Variants in CECR2 observed in about 807,000 individuals in gnomAD.
CECR2 encodes CECR2 histone acetyl-lysine reader, also known as chromatin remodeling regulator CECR2.
Under a neutral mutation model 154.5 loss-of-function variants are expected in CECR2, and 30 were observed. The observed-to-expected ratio is 0.19, with a 90% CI of 0.15 to 0.26. The LOEUF is 0.26. Ranked by LOEUF, CECR2 falls within the 10% of genes least tolerant of loss-of-function variation. The pLI is 1.00. For missense variants in CECR2, 1,743 were observed against 1,829.3 expected, an observed-to-expected ratio of 0.95 and a Z score of 0.86; for synonymous variants, 725 against 683.7, an observed-to-expected ratio of 1.06 and a Z score of -0.94.
chr22:17,425,453 G>A (rs1307865015), intron 1 of CECR2, among the ~76,000 whole-genome samples: 2 of 152,130 alleles, frequency 1.3e-5, no homozygotes, highest in Non-Finnish European at 2.9e-5. Context: ...GGTTTTAGGT[G>A]CTGAGTATAG....
At chr22:17,472,908 T>C (rs73876452) in intron 1 of CECR2, among the ~76,000 whole-genome samples, 3,294 of 152,290 alleles carry the variant, frequency 0.022, 121 homozygotes, top group African/African-American at 0.075. Context: ...CTTGCCGAAG[T>C]GCAGAATGGT....
At chr22:17,403,142 CAT>C (rs1482349683) in intron 1 of CECR2, among the ~76,000 whole-genome samples, 1 of 152,230 alleles carries the variant, frequency 6.6e-6, no homozygotes, top group Non-Finnish European at 1.5e-5. Flanking sequence ...AGCGTGGACT[CAT>C]TGATACTTAT....
At chr22:17,385,743 A>C (rs2063251585) in intron 1 of CECR2, among the ~76,000 whole-genome samples, 1 of 152,224 alleles carries the variant, frequency 6.6e-6, no homozygotes, top group African/African-American at 2.4e-5. Context: ...GTCGGCACGA[A>C]ATCTTCAGTT....
rs183186533 is a variant in CECR2, at chr22:17,499,677, G to A, written c.545+128G>A. ...AATTCTCTAAGCATGCCTGCAAAGA[G>A]ATGGTAAGGAGATACTTCATGCAAA... is the stretch of plus-strand genomic sequence containing the variant. On this transcript the variant is annotated intron_variant, in intron 4 of 18. Transcript: ENST00000262608. 38 of 924,218 alleles carry A rather than the reference G, an allele frequency of 4.1e-5. 1 individual carries two copies. In the Admixed American group the frequency reaches 1.0e-3, roughly 24 times the overall value. 57.3% of individuals were successfully genotyped at this position (924,218 alleles called of 1,614,324 possible).
rs752204763 is a variant in CECR2 at position 17,540,463 on chromosome 22, T to A, written c.1547T>A (p.Met516Lys). 16 of 1,595,870 alleles carry A rather than the reference T, an allele frequency of 1.0e-5. No homozygotes were observed. Among genetic ancestry groups the A allele is most frequent in the Admixed American group, 1.7e-5 (1 of 57,616 alleles). Residue 516 changes from methionine (M) to lysine (K), a missense_variant, in exon 14 of 19, where the codon ATG becomes AAG. Physicochemically the swap from Met to Lys is moderately conservative, Grantham distance 95. Coordinates refer to ENST00000262608, the MANE Select transcript of CECR2 (RefSeq NM_001290047.2). ...NLERCFHRAM[M>K]KHFPGEDGDT... ...GAGAGGTGTTTCCATCGGGCAATGATGAAACATTTTCCTGGAGAAGATGGA... is the reference window on the plus strand; with the variant it reads ...GAGAGGTGTTTCCATCGGGCAATGAAGAAACATTTTCCTGGAGAAGATGGA...
At chr22:17,400,399 G>A (rs1420237612) in intron 1 of CECR2, among the ~76,000 whole-genome samples, 1 of 152,190 alleles carries the variant, frequency 6.6e-6, no homozygotes, top group Non-Finnish European at 1.5e-5. Context: ...GGAATGGATA[G>A]CAGGGTACAA....
intron 2 of CECR2, among the ~76,000 whole-genome samples, chr22:17,495,861 C>CAAAAAAAAAAAAA (rs10558473): frequency 1.5e-5 from 1 of 67,208 alleles, no homozygotes; most frequent in Non-Finnish European, 2.6e-5. Context: ...GACTCTGTCT[C>CAAAAAAAAAAAAA]AAAAAAAAAA....
At chr22:17,447,495 T>C (rs2054692177) in intron 1 of CECR2, among the ~76,000 whole-genome samples, 1 of 151,986 alleles carries the variant, frequency 6.6e-6, no homozygotes, top group South Asian at 2.1e-4. Flanking sequence ...GATTGGTGCG[T>C]TTACAGTACC....
Position 17,477,706 on chromosome 22 carries a change from G to T in CECR2, c.221+24G>T, listed in dbSNP as rs541838710. On this transcript the variant is annotated intron_variant, in intron 2 of 18. Transcript: ENST00000262608. ...ACGTGAGTAATTCTGATCTTTCTAA[G>T]CATTTCTTGCGCCAAGAACTAATTA... 55 of 1,531,468 alleles carry T rather than the reference G, an allele frequency of 3.6e-5. No individual in the cohort carries two copies. The Middle Eastern group carries it at 1.9e-3, about 52-fold the overall frequency. 94.9% of individuals were successfully genotyped at this position (1,531,468 alleles called of 1,614,324 possible). A position where few individuals can be genotyped will look rare whatever the true frequency, so the allele number is the denominator to read the frequency against.
Position 17,542,961 on chromosome 22 carries a change from G to A in CECR2, c.2818G>A (p.Ala940Thr), listed in dbSNP as rs753114764. The A allele has an allele frequency of 3.7e-5, 59 of 1,612,912 alleles. No homozygotes were observed. Among genetic ancestry groups the A allele is most frequent in the Non-Finnish European group, 4.8e-5 (57 of 1,179,348 alleles). Residue 940 changes from alanine to threonine, a missense_variant, in exon 16 of 19, where the codon GCA (alanine) becomes ACA (threonine). Coordinates refer to ENST00000262608, the MANE Select transcript of CECR2 (RefSeq NM_001290047.2). ...PKPALGNPGR[A>T]PENSEAQEPE... ...GCCTGCCCTGGGCAACCCTGGGAGG[G>A]CACCGGAGAACAGTGAAGCACAAGA...
intron 1 of CECR2, among the ~76,000 whole-genome samples, chr22:17,415,497 C>T (rs768123097): frequency 6.6e-6 from 1 of 152,240 alleles, no homozygotes; most frequent in Non-Finnish European, 1.5e-5. Context: ...CTGCCTTGGC[C>T]TCCCAAAGTG....
At chr22:17,546,117 C>T (rs1237021220) in intron 16 of CECR2, among the ~76,000 whole-genome samples, 2 of 151,978 alleles carry the variant, frequency 1.3e-5, no homozygotes, top group African/African-American at 4.8e-5. Context: ...TGTGGAAAGT[C>T]CTACTTTGTT....
rs554252100 is a variant in CECR2, at chr22:17,547,728, A to AT, written c.2861-419dup. ...CATTTGGCCTTCCTGAGCGCCCGTC[A>AT]TGCCCTGTTCTTTCTGGTTGCATCC... On this transcript the variant is annotated intron_variant, in intron 16 of 18. Coordinates refer to ENST00000262608, the MANE Select transcript of CECR2 (RefSeq NM_001290047.2). Among the ~76,000 whole-genome samples, 365 of 152,278 alleles carry AT rather than the reference A, an allele frequency of 2.4e-3. 1 individual carries two copies. The highest frequency in any genetic ancestry group is 4.0e-3 in the Non-Finnish European group (270 of 68,020).
At chr22:17,544,391 C>T (rs538407502) in intron 16 of CECR2, among the ~76,000 whole-genome samples, 14 of 145,982 alleles carry the variant, frequency 9.6e-5, no homozygotes, top group Admixed American at 3.5e-4. Flanking sequence ...CCAGCTACTC[C>T]GGAGGCTGAG....
intron 1 of CECR2, chr22:17,428,339 G>A (rs1450756768): frequency 6.6e-6 from 1 of 152,132 alleles, no homozygotes; most frequent in East Asian, 1.9e-4. Flanking sequence ...GATTGTTACT[G>A]CCTAGATCCT....
At chr22:17,510,006 C>T (rs1012048727) in intron 7 of CECR2, among the ~76,000 whole-genome samples, 9 of 152,016 alleles carry the variant, frequency 5.9e-5, no homozygotes, top group African/African-American at 9.7e-5. Context: ...AAATAAAAGG[C>T]GATGTAGATA....
chr22:17,536,965 G>T, intron 9 of CECR2, 138 bp from the exon 10 acceptor site: 1 of 884,228 alleles, frequency 1.1e-6, no homozygotes, highest in Non-Finnish European at 1.7e-6. Context: ...ACCAAAAAGA[G>T]GGTGGCACAG....
chr22:17,360,678 G>GAAA (rs34750748), intron 1 of CECR2, among the ~76,000 whole-genome samples: 6 of 133,712 alleles, frequency 4.5e-5, no homozygotes, highest in Admixed American at 7.6e-5. Context: ...CTCCATCTCG[G>GAAA]AAAAAAAAAA....
chr22:17,361,027 G>A (rs1017138973), intron 1 of CECR2, among the ~76,000 whole-genome samples: 6 of 152,036 alleles, frequency 3.9e-5, no homozygotes, highest in Non-Finnish European at 8.8e-5. Context: ...GCCAGGCATC[G>A]TGGTGTGTGC....
Sources: gnomAD v4.1 joint callset for allele counts (sites outside exome capture counted in the v4.1 genomes callset) on GRCh38, gnomAD v4.1.1 for gene constraint, MANE v1.5 for transcripts, NCBI Gene and HGNC (gene_info 2026-07-23, HGNC 2026-07-21) for gene names.